Variants in SDK1 observed in about 807,000 individuals in gnomAD.
The protein encoded by SDK1 is protein sidekick-1.
Under a neutral mutation model 245.5 loss-of-function variants are expected in SDK1, and 157 were observed. That is an observed-to-expected ratio of 0.64 (90% confidence interval 0.56 to 0.73). The LOEUF is 0.73. Ranked by LOEUF, SDK1 falls within the 30% of genes least tolerant of loss-of-function variation. The pLI is 0.00. For missense variants in SDK1, 3,583 were observed against 3,002.3 expected (o/e 1.19, Z -4.52); for synonymous variants, 1,647 against 1,278.5 (o/e 1.29, Z -6.15).
chr7:3,374,975 T>C (rs1284656770), intron 1 of SDK1, among the ~76,000 whole-genome samples: 1 of 152,218 alleles, frequency 6.6e-6, no homozygotes, highest in African/African-American at 2.4e-5. Flanking sequence ...ATCTAACACC[T>C]GTAATTGTAT....
At chr7:3,579,217 C>T (rs1780404626) in intron 1 of SDK1, among the ~76,000 whole-genome samples, 1 of 151,906 alleles carries the variant, frequency 6.6e-6, no homozygotes. Flanking sequence ...CAAAACCTGG[C>T]AGAGATGCAG....
At chr7:3,816,858 GT>G (rs933469549) in intron 4 of SDK1, among the ~76,000 whole-genome samples, 133 of 146,302 alleles carry the variant, frequency 9.1e-4, no homozygotes, top group African/African-American at 2.2e-3. Flanking sequence ...TTTTGAAGTG[GT>G]TTTTTTTTTT....
At position 4,265,120 on chromosome 7, in the gene SDK1, G is replaced by A; in HGVS notation, c.6382-4G>A. Reference sequence around the variant, plus strand: ...ACTCACACCTTCTCTCCCGCTCCCCGCAGGCCACGGACTCTGACTACGAGG... The same window carrying A: ...ACTCACACCTTCTCTCCCGCTCCCCACAGGCCACGGACTCTGACTACGAGG... On this transcript the variant is annotated splice_region_variant and splice_polypyrimidine_tract_variant and intron_variant, in intron 44 of 44. Transcript: ENST00000404826. 6.2e-7 allele frequency: 1 copy of A among 1,609,972 alleles called. No individual in the cohort carries two copies. Among genetic ancestry groups the A allele is most frequent in the East Asian group, 2.2e-5 (1 of 44,788 alleles).
chr7:3,972,356 G>C (rs1312629534), intron 12 of SDK1, among the ~76,000 whole-genome samples: 1 of 152,150 alleles, frequency 6.6e-6, no homozygotes, highest in Non-Finnish European at 1.5e-5. Context: ...TGGGATTCCA[G>C]GAGTGAGCTG....
At chr7:3,310,240 G>C (rs1015441155) in intron 1 of SDK1, among the ~76,000 whole-genome samples, 6 of 152,132 alleles carry the variant, frequency 3.9e-5, no homozygotes, top group African/African-American at 1.2e-4. Context: ...TAAAGCTTTG[G>C]TGCTGAGTCC....
intron 5 of SDK1, among the ~76,000 whole-genome samples, chr7:3,872,552 T>C (rs1386532920): frequency 6.6e-6 from 1 of 151,394 alleles, no homozygotes; most frequent in Non-Finnish European, 1.5e-5. Context: ...AGTTGTTGAA[T>C]TTATGGTCAT....
intron 28 of SDK1, among the ~76,000 whole-genome samples, chr7:4,140,767 AAT>A (rs1173441776): frequency 1.3e-5 from 2 of 152,126 alleles, no homozygotes; most frequent in African/African-American, 4.8e-5. Context: ...AAGTGCCTGG[AAT>A]ATAGAGGCCC....
chr7:3,916,514 T>G (rs1779385592), intron 5 of SDK1, among the ~76,000 whole-genome samples: 1 of 152,212 alleles, frequency 6.6e-6, no homozygotes, highest in African/African-American at 2.4e-5. Context: ...TAAAAGATGA[T>G]GGAAAGTCAA....
chr7:3,400,584 C>G (rs1778862835), intron 1 of SDK1, among the ~76,000 whole-genome samples: 1 of 151,914 alleles, frequency 6.6e-6, no homozygotes. Flanking sequence ...AATAGATAAA[C>G]ATAAAACTAT....
At chr7:3,687,418 C>G (rs182184642) in intron 4 of SDK1, among the ~76,000 whole-genome samples, 1 of 152,192 alleles carries the variant, frequency 6.6e-6, no homozygotes, top group South Asian at 2.1e-4. Context: ...TGAGCCACCC[C>G]GCCCAGCCCC....
Position 4,149,263 on chromosome 7 carries a change from G to T in SDK1, c.4425G>T (p.Glu1475Asp). ...TGGTCTGTCCTCATTTGGTTGCAGAGCGGCCGGCACCCCCCAGAGAGCTCC... is the reference window on the plus strand; with the variant it reads ...TGGTCTGTCCTCATTTGGTTGCAGATCGGCCGGCACCCCCCAGAGAGCTCC... ...EATVITTEKR[E>D]RPAPPRELLV... is the part of the protein sequence containing the mutation. Residue 1475 changes from glutamate (E) to aspartate (D), a missense_variant and splice_region_variant, in exon 30 of 45, where the codon GAG (glutamate) becomes GAT (aspartate). By Grantham distance (45) the Glu-to-Asp change is conservative. Transcript: ENST00000404826. 6.6e-7 allele frequency: 1 copy of T among 1,515,572 alleles called. No homozygotes were observed. Among genetic ancestry groups the T allele is most frequent in the South Asian group, 1.3e-5 (1 of 76,168 alleles). 93.9% of individuals were successfully genotyped at this position (1,515,572 alleles called of 1,614,324 possible).
At chr7:3,832,900 G>A (rs1779945150) in intron 5 of SDK1, among the ~76,000 whole-genome samples, 1 of 152,062 alleles carries the variant, frequency 6.6e-6, no homozygotes. Flanking sequence ...GAAAGTATAA[G>A]AAAGCCTGTG....
intron 4 of SDK1, among the ~76,000 whole-genome samples, chr7:3,772,470 C>T (rs145586974): frequency 6.6e-6 from 1 of 152,156 alleles, no homozygotes; most frequent in East Asian, 1.9e-4. Flanking sequence ...TTTAAAAATG[C>T]ATTAGCCTTT....
At chr7:3,382,443 A>C (rs1238984067) in intron 1 of SDK1, among the ~76,000 whole-genome samples, 2 of 152,202 alleles carry the variant, frequency 1.3e-5, no homozygotes, top group African/African-American at 4.8e-5. Context: ...ATTTAGCAAG[A>C]GAAATATAAA....
At chr7:3,780,569 G>C (rs747906745) in intron 4 of SDK1, among the ~76,000 whole-genome samples, 24 of 152,192 alleles carry the variant, frequency 1.6e-4, no homozygotes, top group Admixed American at 3.9e-4. Context: ...TGAGTTCCTA[G>C]AATGCTATTC....
intron 1 of SDK1, among the ~76,000 whole-genome samples, chr7:3,613,926 G>C (rs1250795825): frequency 1.3e-5 from 2 of 152,172 alleles, no homozygotes; most frequent in Non-Finnish European, 2.9e-5. Flanking sequence ...TAAATGATGA[G>C]AACACATGGA....
intron 4 of SDK1, among the ~76,000 whole-genome samples, chr7:3,710,819 A>G (rs957600047): frequency 4.6e-5 from 7 of 152,202 alleles, no homozygotes; most frequent in Non-Finnish European, 1.0e-4. Context: ...TTGGCATTTG[A>G]TTGTTCCTAT....
intron 14 of SDK1, among the ~76,000 whole-genome samples, chr7:3,988,870 C>G (rs1784072985): frequency 6.6e-6 from 1 of 152,168 alleles, no homozygotes; most frequent in South Asian, 2.1e-4. Flanking sequence ...CTCCTGGGTT[C>G]AAGCGATTCT....
rs577807726 is a variant in SDK1, at chr7:3,521,226, T to C, written c.299-97854T>C. 5.9e-5 allele frequency among the ~76,000 whole-genome samples: 9 copies of C among 152,314 alleles called. No individual in the cohort carries two copies. In the South Asian group the frequency reaches 1.7e-3, roughly 28 times the overall value. ...AGCTTGAGAGCCATTCAAGGGAATC[T>C]TTTACTTCCCTTCTGCTACATCTTT... is the stretch of plus-strand genomic sequence containing the variant. On this transcript the variant is annotated intron_variant, in intron 1 of 44. Coordinates refer to ENST00000404826, the MANE Select transcript of SDK1 (RefSeq NM_152744.4).
Sources: allele counts gnomAD v4.1 joint callset (sites outside exome capture counted in the v4.1 genomes callset), GRCh38; gene constraint gnomAD v4.1.1; transcripts MANE v1.5; gene names NCBI Gene and HGNC (gene_info 2026-07-23, HGNC 2026-07-21).